COQ7: variants seen among roughly 807,000 people sequenced by gnomAD.
COQ7 encodes coenzyme Q7, hydroxylase.
In COQ7, 21 loss-of-function variants were observed where a neutral mutation model predicts 25.0. The ratio of observed to expected loss-of-function variants is 0.84; its 90% CI spans 0.60 to 1.21. COQ7 has a LOEUF of 1.21. Among genes scored for constraint, COQ7 ranks in the 50% most tolerant of loss-of-function variants. The pLI is 0.00. For synonymous variants in COQ7, 125 were observed against 112.4 expected, an observed-to-expected ratio of 1.11 and a Z score of -0.71; for missense variants, 311 against 296.2, an observed-to-expected ratio of 1.05 and a Z score of -0.37.
At chr16:19,068,027 G>A (rs1962324211) in intron 1 of COQ7, 4 of 1,291,062 alleles carry the variant, frequency 3.1e-6, no homozygotes, top group African/African-American at 3.1e-5. Context: ...AGCGTTCCGA[G>A]TCGAGGACAG....
chr16:19,081,324 G>A (rs1347951841), downstream of COQ7, among the ~76,000 whole-genome samples: 1 of 152,172 alleles, frequency 6.6e-6, no homozygotes, highest in Non-Finnish European at 1.5e-5. Context: ...TGGAGAAACT[G>A]GTGGTTTTAC....
At chr16:19,068,406 C>G (rs1473636142) in intron 1 of COQ7, 16 of 989,116 alleles carry the variant, frequency 1.6e-5, no homozygotes, top group Non-Finnish European at 1.9e-5. Context: ...AATCTCAGCA[C>G]TTTGGGAGGC....
Position 19,079,009 on chromosome 16 carries a change from C to A in COQ7, c.*851C>A, listed in dbSNP as rs946359942. The stretch of plus-strand genomic sequence containing the variant: ...TAGAATTCATACGATGAAATCTTCA[C>A]TCTCAAGTTGATAGAAGGTGGGGCC... On this transcript the variant is annotated 3_prime_UTR_variant, in exon 6 of 6. Coordinates refer to ENST00000321998, the MANE Select transcript of COQ7 (RefSeq NM_016138.5). 6.6e-6 allele frequency: 1 copy of A among 152,112 alleles called. No individual in the cohort carries two copies. The highest frequency in any genetic ancestry group is 1.5e-5 in the Non-Finnish European group (1 of 68,026). 9.4% of individuals were successfully genotyped at this position (152,112 alleles called of 1,614,324 possible). A position where few individuals can be genotyped will look rare whatever the true frequency, so the allele number is the denominator to read the frequency against.
At chr16:19,080,527 T>C (rs1963076482), downstream of COQ7, among the ~76,000 whole-genome samples, 1 of 152,166 alleles carries the variant, frequency 6.6e-6, no homozygotes, top group Non-Finnish European at 1.5e-5. Flanking sequence ...AATCGAACTT[T>C]AGCTTCAAGA....
At position 19,072,071 on chromosome 16, in the gene COQ7, G is replaced by A. The variant is rs1962588839; in HGVS notation, c.217G>A (p.Val73Ile). The A allele has an allele frequency of 6.2e-7, 1 of 1,614,216 alleles. No homozygotes were observed. The change falls in exon 2 of 6, where the codon GTC becomes ATC. Residue 73 changes from valine (V) to isoleucine (I), a missense_variant. Transcript: ENST00000321998. The part of the protein sequence containing the change: ...ANRIYAGQMA[V>I]LGRTSVGPVI... The stretch of plus-strand genomic sequence containing the variant: ...CCGCATCTATGCCGGGCAGATGGCT[G>A]TCCTGGGTCGGACCAGCGTCGGGCC...
intron 1 of COQ7, chr16:19,068,016 C>T: frequency 7.6e-7 from 1 of 1,315,646 alleles, no homozygotes; most frequent in Admixed American, 3.8e-5. Flanking sequence ...CAGGTGCGGC[C>T]AGCGTTCCGA....
At position 19,075,415 on chromosome 16, in the gene COQ7, G is replaced by A. The variant is rs1962781427; in HGVS notation, c.368-306G>A. ...CGGTTTCACCATGTTAGCCAGGTTGGTCTCGAACTCCTGACCTCAGGTGAT... is the reference window on the plus strand; with the variant it reads ...CGGTTTCACCATGTTAGCCAGGTTGATCTCGAACTCCTGACCTCAGGTGAT... On this transcript the variant is annotated intron_variant, in intron 3 of 5. Transcript: ENST00000321998. 3.1e-5 allele frequency among the ~76,000 whole-genome samples: 4 copies of A among 128,098 alleles called. No homozygotes were observed. In the Admixed American group the frequency reaches 3.5e-4, roughly 11 times the overall value. The allele number at this position is 128,098 out of a possible 152,430, so 84.0% of individuals were successfully genotyped here.
At chr16:19,070,017 C>CAAGCAGTCCACCTGCCTCAGCTTCCCAA (rs1962473541) in intron 1 of COQ7, among the ~76,000 whole-genome samples, 1 of 152,056 alleles carries the variant, frequency 6.6e-6, no homozygotes, top group Non-Finnish European at 1.5e-5. Flanking sequence ...CTCCTGGTCT[C>CAAGCAGTCCACCTGCCTCAGCTTCCCAA]AAGCAGTCCA....
intron 5 of COQ7, 55 bp from the exon 6 acceptor site, chr16:19,078,026 A>T: frequency 7.0e-7 from 1 of 1,424,264 alleles, no homozygotes; most frequent in Non-Finnish European, 9.6e-7. Flanking sequence ...CCTGAATCTT[A>T]CAACCGAAAA....
Position 19,072,153 on chromosome 16 carries a change from A to T in COQ7, c.252+47A>T, listed in dbSNP as rs1455616970. On this transcript the variant is annotated intron_variant, in intron 2 of 5. Transcript: ENST00000321998. The stretch of plus-strand genomic sequence containing the variant: ...TCACCCTGGTCTACTGAATGGGCAG[A>T]TCCAAAGGACTTCAAGTAATGAATC... The T allele has an allele frequency of 3.7e-6, 6 of 1,605,062 alleles. No homozygotes were observed. The African/African-American group carries it at 4.0e-5, about 11-fold the overall frequency.
At chr16:19,076,176 T>C (rs1034410816) in intron 4 of COQ7, among the ~76,000 whole-genome samples, 3 of 151,866 alleles carry the variant, frequency 2.0e-5, no homozygotes, top group Non-Finnish European at 2.9e-5. Context: ...ATCTTCAAAC[T>C]CTTGGGTTCA....
intron 4 of COQ7, among the ~76,000 whole-genome samples, 173 bp from the exon 5 acceptor site, chr16:19,077,133 G>GGA (rs1013643098): frequency 2.0e-5 from 3 of 152,154 alleles, no homozygotes; most frequent in African/African-American, 4.8e-5. Context: ...TGCTTTTCTG[G>GGA]TTACAGTGGC....
At chr16:19,077,589 G>GGTTTTTTTTTTTTTTTTT (rs1413837387) in intron 5 of COQ7, among the ~76,000 whole-genome samples, 1 of 18,630 alleles carries the variant, frequency 5.4e-5, no homozygotes, top group African/African-American at 1.0e-4. Context: ...TTCCCCAGAA[G>GGTTTTTTTTTTTTTTTTT]CTTTTTTTTT....
chr16:19,076,254 A>ATTT lies in COQ7; in HGVS notation c.507+414_507+416dup, dbSNP rs765074767. ...CATACATAGCCACCACTCACAGCTA[A>ATTT]TTTTTTTTTTTTTTTTTTTTTTAAG... On this transcript the variant is annotated intron_variant, in intron 4 of 5. Transcript: ENST00000321998. Among the ~76,000 whole-genome samples the ATTT allele has an allele frequency of 2.0e-3, 236 of 120,714 alleles. 7 individuals are homozygous for ATTT. Among genetic ancestry groups the ATTT allele is most frequent in the African/African-American group, 4.5e-3 (138 of 30,666 alleles). 79.2% of individuals were successfully genotyped at this position (120,714 alleles called of 152,430 possible). A position where few individuals can be genotyped will look rare whatever the true frequency, so the allele number is the denominator to read the frequency against.
chr16:19,075,714 A>C lies in COQ7; in HGVS notation c.368-7A>C, dbSNP rs765463133. On this transcript the variant is annotated splice_region_variant and splice_polypyrimidine_tract_variant and intron_variant, in intron 3 of 5. Transcript: ENST00000321998. ...TTACTTTTCTGGTCTGGGTTTAACA[A>C]TCCCAGGGGCGGGGACCGCCTTGCT... 3.8e-6 allele frequency: 6 copies of C among 1,558,602 alleles called. No homozygotes were observed. The highest frequency in any genetic ancestry group is 4.3e-6 in the Non-Finnish European group (5 of 1,156,784).
intron 2 of COQ7, among the ~76,000 whole-genome samples, 172 bp from the exon 3 acceptor site, chr16:19,073,749 A>C (rs1448640505): frequency 2.6e-5 from 4 of 152,012 alleles, no homozygotes; most frequent in Non-Finnish European, 5.9e-5. Context: ...TCTCTTTGTC[A>C]CAGATTCCTT....
chr16:19,076,585 CTTTTTTTTTTTTTT>C (rs67725348), intron 4 of COQ7, among the ~76,000 whole-genome samples: 1,214 of 80,522 alleles, frequency 0.015, 32 homozygotes, highest in African/African-American at 0.057. Context: ...GTGCTGTTCA[CTTTTTTTTTTTTTT>C]TTTTTTTTTT....
downstream of COQ7, among the ~76,000 whole-genome samples, chr16:19,082,576 G>T (rs546785402): frequency 3.4e-4 from 52 of 152,160 alleles, no homozygotes; most frequent in African/African-American, 1.3e-3. Flanking sequence ...ACGAGGTCAG[G>T]AGTTCAAGAC....
At position 19,067,752 on chromosome 16, in the gene COQ7, G is replaced by A. The variant is rs1425835129; in HGVS notation, c.73+15G>A. The A allele has an allele frequency of 2.5e-6, 4 of 1,598,054 alleles. No homozygotes were observed. Among genetic ancestry groups the A allele is most frequent in the East Asian group, 2.2e-5 (1 of 44,720 alleles). ...GTCCCTCTCAGGTAAAAGGAGGCGCGCAGTCACAGTCCTGCGCCGGTCTAG... is the reference window on the plus strand; with the variant it reads ...GTCCCTCTCAGGTAAAAGGAGGCGCACAGTCACAGTCCTGCGCCGGTCTAG... On this transcript the variant is annotated intron_variant, in intron 1 of 5. Coordinates refer to ENST00000321998, the MANE Select transcript of COQ7 (RefSeq NM_016138.5).
Sources: gnomAD v4.1 joint callset for allele counts (sites outside exome capture counted in the v4.1 genomes callset) on GRCh38, gnomAD v4.1.1 for gene constraint, MANE v1.5 for transcripts, NCBI Gene and HGNC (gene_info 2026-07-23, HGNC 2026-07-21) for gene names.